Variants in PTPN3 observed in about 807,000 individuals in gnomAD.
PTPN3 encodes tyrosine-protein phosphatase non-receptor type 3.
PTPN3 carries 96 observed loss-of-function variants against 132.7 expected under a neutral mutation model. That is an observed-to-expected ratio of 0.72 (90% confidence interval 0.61 to 0.86). The LOEUF (loss-of-function observed/expected upper bound fraction) is 0.86, where lower values mean the gene tolerates loss of function less well. PTPN3 is among the 40% of genes least tolerant of loss of function. The pLI, the probability that PTPN3 is intolerant of heterozygous loss-of-function variation, is 0.00. For synonymous variants in PTPN3, 398 were observed against 429.0 expected (o/e 0.93, Z 0.89); for missense variants, 1,125 against 1,159.6 (o/e 0.97, Z 0.43).
the PTPN3 span, among the ~76,000 whole-genome samples, chr9:109,511,824 T>C: frequency 6.6e-6 from 1 of 152,218 alleles, no homozygotes; most frequent in African/African-American, 2.4e-5. Context: ...TATTTTAAGA[T>C]AGTGGTTCTC....
the PTPN3 span, among the ~76,000 whole-genome samples, chr9:109,514,435 A>C: frequency 1.3e-5 from 2 of 152,188 alleles, no homozygotes; most frequent in Non-Finnish European, 2.9e-5. Context: ...TGAGAATGTG[A>C]AGAAGAAGTG....
rs1009762060 is a variant in PTPN3 at position 109,463,543 on chromosome 9, A to G, written c.-17-92T>C. 42 of 1,229,412 alleles carry G rather than the reference A, an allele frequency of 3.4e-5. 1 individual carries two copies. The South Asian group carries it at 5.1e-4, about 15-fold the overall frequency. The allele number at this position is 1,229,412 out of a possible 1,614,324, so 76.2% of individuals were successfully genotyped here. On this transcript the variant is annotated intron_variant, in intron 1 of 25. Transcript: ENST00000374541. ...ACCTGTCAGATCCCATCCTCTCGAT[A>G]CTGTCTGACGGACTCACAGATAATG...
Position 109,468,353 on chromosome 9 carries a change from G to GT in PTPN3, c.-17-4903dup, listed in dbSNP as rs375973137. Among the ~76,000 whole-genome samples, 629 of 148,510 alleles carry GT rather than the reference G, an allele frequency of 4.2e-3. 1 individual carries two copies. The highest frequency in any genetic ancestry group is 7.2e-3 in the African/African-American group (292 of 40,626). ...CAAACGAAGCTCTATTGTGGATACA[G>GT]TTTTTTTTTTTGTTTGTTTGTTTGT... On this transcript the variant is annotated intron_variant, in intron 1 of 25. Transcript: ENST00000374541.
At chr9:109,485,664 C>T (rs996207624) in intron 1 of PTPN3, among the ~76,000 whole-genome samples, 3 of 152,194 alleles carry the variant, frequency 2.0e-5, no homozygotes, top group Non-Finnish European at 4.4e-5. Flanking sequence ...ACGGAATCAT[C>T]AGTTTCCACA....
Position 109,383,533 on chromosome 9 carries a change from A to G in PTPN3, c.2272T>C (p.Trp758Arg). 6.2e-7 allele frequency: 1 copy of G among 1,613,992 alleles called. No individual in the cohort carries two copies. The highest frequency in any genetic ancestry group is 8.5e-7 in the Non-Finnish European group (1 of 1,180,006). Residue 758 changes from tryptophan to arginine, a missense_variant, in exon 23 of 26, where the codon TGG becomes CGG. Coordinates refer to ENST00000374541, the MANE Select transcript of PTPN3 (RefSeq NM_002829.4). ...TTCATGACGTCGGGGGGATCTGGCC[A>G]GTACTGGTGACATTTGGTCTGTAAG... ...ERGRTKCHQY[W>R]PDPPDVMNHG...
At chr9:109,516,340 G>A in the PTPN3 span, among the ~76,000 whole-genome samples, 3 of 152,178 alleles carry the variant, frequency 2.0e-5, no homozygotes, top group South Asian at 2.1e-4. Context: ...AAAGAAGTAC[G>A]AGTACGATAC....
intron 19 of PTPN3, 133 bp from the exon 20 acceptor site, chr9:109,391,694 TC>T: frequency 6.2e-6 from 4 of 648,362 alleles, no homozygotes; most frequent in Non-Finnish European, 9.9e-6. Context: ...TAAAAGAAAA[TC>T]TTCCCAATAA....
intron 16 of PTPN3, among the ~76,000 whole-genome samples, chr9:109,408,903 C>T (rs192080504): frequency 4.1e-4 from 59 of 144,742 alleles, no homozygotes; most frequent in African/African-American, 1.5e-3. Context: ...CAGAGGCGAG[C>T]GAGGCCTGGG....
chr9:109,381,602 G>T (rs191787836), intron 25 of PTPN3, 50 bp downstream of exon 25: 114 of 1,603,406 alleles, frequency 7.1e-5, no homozygotes, highest in Non-Finnish European at 8.5e-5. Flanking sequence ...CCTGCCTGGT[G>T]TAAGTGCTCA....
intron 25 of PTPN3, among the ~76,000 whole-genome samples, chr9:109,380,681 A>C (rs183353335): frequency 1.3e-5 from 2 of 152,304 alleles, no homozygotes; most frequent in African/African-American, 4.8e-5. Flanking sequence ...TTCTCTTAAC[A>C]AGATTTTCTG....
intron 5 of PTPN3, chr9:109,449,844 A>G (rs542024648): frequency 2.0e-6 from 2 of 985,438 alleles, no homozygotes; most frequent in African/African-American, 3.5e-5. Context: ...AAATTTATAA[A>G]GGCCAAGGAA....
chr9:109,412,384 T>G (rs558099671), intron 14 of PTPN3, among the ~76,000 whole-genome samples: 1 of 151,932 alleles, frequency 6.6e-6, no homozygotes, highest in Non-Finnish European at 1.5e-5. Flanking sequence ...TTAATTTTTT[T>G]TTTTTTTTGA....
rs947602312 is a variant in PTPN3, at chr9:109,379,371, T to A, written c.*185A>T. 1 of 593,420 alleles carries A rather than the reference T, an allele frequency of 1.7e-6. No individual in the cohort carries two copies. Among genetic ancestry groups the A allele is most frequent in the African/African-American group, 1.9e-5 (1 of 53,612 alleles). 36.8% of individuals were successfully genotyped at this position (593,420 alleles called of 1,614,324 possible). A position where few individuals can be genotyped will look rare whatever the true frequency, so the allele number is the denominator to read the frequency against. On this transcript the variant is annotated 3_prime_UTR_variant, in exon 26 of 26. Coordinates refer to ENST00000374541, the MANE Select transcript of PTPN3 (RefSeq NM_002829.4). ...AGGCCTAAATGATGCCATAATTGCATGCTTATCTACACCAGTTCCTATGTA... is the reference window on the plus strand; with the variant it reads ...AGGCCTAAATGATGCCATAATTGCAAGCTTATCTACACCAGTTCCTATGTA...
chr9:109,381,014 GTCAAA>G (rs2131581279), intron 25 of PTPN3, among the ~76,000 whole-genome samples: 1 of 152,142 alleles, frequency 6.6e-6, no homozygotes, highest in Admixed American at 6.5e-5. Context: ...ACCCTTCTTT[GTCAAA>G]TGAATGAATG....
intron 14 of PTPN3, among the ~76,000 whole-genome samples, chr9:109,412,453 A>G (rs1480554456): frequency 1.3e-5 from 2 of 151,564 alleles, no homozygotes; most frequent in African/African-American, 2.4e-5. Context: ...GGCTCACTGC[A>G]ACCTCCGCCT....
chr9:109,422,903 G>T (rs749273348), intron 12 of PTPN3, 51 bp from the exon 13 acceptor site: 2 of 1,582,248 alleles, frequency 1.3e-6, no homozygotes, highest in East Asian at 2.2e-5. Context: ...CAACAGGAAA[G>T]AAATTACTGC....
chr9:109,450,250 G>A (rs947022402), intron 5 of PTPN3: 2 of 985,188 alleles, frequency 2.0e-6, no homozygotes, highest in Non-Finnish European at 2.4e-6. Flanking sequence ...CACCTATTTG[G>A]TATTGGAATC....
At chr9:109,456,472 C>T (rs556319861) in intron 4 of PTPN3, among the ~76,000 whole-genome samples, 15 of 152,258 alleles carry the variant, frequency 9.9e-5, no homozygotes, top group African/African-American at 1.7e-4. Flanking sequence ...GGCAGGATTT[C>T]GACAGAGGGA....
chr9:109,472,177 A>G (rs1290906453), intron 1 of PTPN3, among the ~76,000 whole-genome samples: 1 of 152,240 alleles, frequency 6.6e-6, no homozygotes, highest in Non-Finnish European at 1.5e-5. Flanking sequence ...GCCATCATTC[A>G]AAAAGGACTG....
Sources: allele counts gnomAD v4.1 joint callset (sites outside exome capture counted in the v4.1 genomes callset), GRCh38; gene constraint gnomAD v4.1.1; transcripts MANE v1.5; gene names NCBI Gene and HGNC (gene_info 2026-07-23, HGNC 2026-07-21).